Variants in ESYT2 observed in about 807,000 individuals in gnomAD.
The protein encoded by ESYT2 is extended synaptotagmin 2.
A neutral mutation model predicts 107.2 loss-of-function variants in ESYT2; 54 were observed. The ratio of observed to expected loss-of-function variants is 0.50; its 90% CI spans 0.40 to 0.63. ESYT2 has a LOEUF of 0.63. Among genes scored for constraint, ESYT2 ranks in the 30% least tolerant of loss-of-function variants. ESYT2 has a pLI of 0.00. For synonymous variants in ESYT2, 491 were observed against 434.1 expected, an observed-to-expected ratio of 1.13 and a Z score of -1.63; for missense variants, 1,020 against 1,094.5, an observed-to-expected ratio of 0.93 and a Z score of 0.96.
In ESYT2 at chr7:158,731,033, C is replaced by A. The variant is rs896355169; in HGVS notation, c.*3174G>T. The A allele has an allele frequency of 6.6e-6, 1 of 152,310 alleles. No individual in the cohort carries two copies. The highest frequency in any genetic ancestry group is 1.5e-5 in the Non-Finnish European group (1 of 68,022). The allele number at this position is 152,310 out of a possible 1,614,324, so 9.4% of individuals were successfully genotyped here. The stretch of plus-strand genomic sequence containing the variant: ...AAAGGTTTTATTGAATAAATACATG[C>A]ACTGTCACGTGAAATTAGTTGAACA... On this transcript the variant is annotated 3_prime_UTR_variant, in exon 23 of 23. Transcript: ENST00000275418.
rs765550564 is a variant in ESYT2 at position 158,741,714 on chromosome 7, A to G, written c.1977T>C (p.Pro659=). The G allele has an allele frequency of 5.6e-6, 9 of 1,613,876 alleles. No homozygotes were observed. The Admixed American group carries it at 6.7e-5, about 12-fold the overall frequency. The stretch of plus-strand genomic sequence containing the variant: ...GGGGCTGGGCCTTTTCTTCCATACC[A>G]GGCTTATCACTGCCCCCAATGACTG... The part of the protein sequence containing the change: ...STPVIGGSDK[P]GMEEKAQPPE... The change falls in exon 18 of 23, where the codon CCT becomes CCC. Residue 659 remains proline (P), a synonymous_variant. Transcript: ENST00000275418.
intron 1 of ESYT2, among the ~76,000 whole-genome samples, chr7:158,809,269 A>G (rs879552601): frequency 6.6e-6 from 1 of 151,934 alleles, no homozygotes; most frequent in Non-Finnish European, 1.5e-5. Flanking sequence ...CAACGTCAAG[A>G]GATCAAGACC....
intron 6 of ESYT2, among the ~76,000 whole-genome samples, chr7:158,781,511 GAAC>G (rs1445710405): frequency 4.0e-5 from 6 of 151,738 alleles, no homozygotes; most frequent in Non-Finnish European, 7.4e-5. Context: ...GAACGTGTGA[GAAC>G]AAAGTGTGAG....
chr7:158,747,953 A>C (rs1837458662), intron 16 of ESYT2, among the ~76,000 whole-genome samples: 2 of 152,366 alleles, frequency 1.3e-5, no homozygotes, highest in South Asian at 4.1e-4. Context: ...ACTAGAGGAC[A>C]TACCGCATAA....
rs1238288506 is a variant in ESYT2 at position 158,823,447 on chromosome 7, C to G, written c.330+5642G>C. ...TTTCATGCCATTCTCCTGCCTCAGC[C>G]TCCCGAGTAGCTGGGACTACAGGCG... is the stretch of plus-strand genomic sequence containing the variant. On this transcript the variant is annotated intron_variant, in intron 1 of 22. Coordinates refer to ENST00000275418, the MANE Select transcript of ESYT2 (RefSeq NM_001367773.1). 3.3e-5 allele frequency among the ~76,000 whole-genome samples: 5 copies of G among 150,938 alleles called. No homozygotes were observed. In the East Asian group the frequency reaches 9.9e-4, roughly 30 times the overall value.
rs1206081915 is a variant in ESYT2, at chr7:158,739,203, A to G, written c.2169-82T>C. The G allele has an allele frequency of 1.9e-5, 22 of 1,155,506 alleles. No individual in the cohort carries two copies. In the Admixed American group the frequency reaches 2.7e-4, roughly 14 times the overall value. The allele number at this position is 1,155,506 out of a possible 1,614,324, so 71.6% of individuals were successfully genotyped here. ...TCATTGGTCCACTGTACACGATAAA[A>G]TAATTTCTATTCATTTAGACAAAAA... On this transcript the variant is annotated intron_variant, in intron 18 of 22. Transcript: ENST00000275418.
chr7:158,815,149 G>A (rs1840114695), intron 1 of ESYT2, among the ~76,000 whole-genome samples: 1 of 152,194 alleles, frequency 6.6e-6, no homozygotes, highest in Admixed American at 6.5e-5. Flanking sequence ...TTTCTCACGG[G>A]TTTTCTGTTA....
intron 1 of ESYT2, among the ~76,000 whole-genome samples, chr7:158,827,035 C>T (rs566704509): frequency 2.6e-5 from 4 of 151,082 alleles, no homozygotes; most frequent in Non-Finnish European, 4.4e-5. Flanking sequence ...TGATGGTGCA[C>T]GCCTGTAATC....
intron 2 of ESYT2, among the ~76,000 whole-genome samples, chr7:158,798,646 CAAAAAAAAAAAAA>C (rs57351086): frequency 1.0e-4 from 5 of 49,852 alleles, no homozygotes; most frequent in African/African-American, 1.8e-4. Flanking sequence ...AGCTCCGTCT[CAAAAAAAAAAAAA>C]AAAAAAAAAA....
rs1836762632 is a variant in ESYT2 at position 158,731,825 on chromosome 7, C to CG, written c.*2381_*2382insC. 6.6e-6 allele frequency: 1 copy of CG among 152,624 alleles called. No homozygotes were observed. Among genetic ancestry groups the CG allele is most frequent in the South Asian group, 2.1e-4 (1 of 4,834 alleles). 9.5% of individuals were successfully genotyped at this position (152,624 alleles called of 1,614,324 possible). On this transcript the variant is annotated 3_prime_UTR_variant, in exon 23 of 23. Coordinates refer to ENST00000275418, the MANE Select transcript of ESYT2 (RefSeq NM_001367773.1). ...ACTGAAAATTAACGTTTTGACAACT[C>CG]AAGAGTGTCTGACATCGCTGGGATC...
intron 1 of ESYT2, among the ~76,000 whole-genome samples, chr7:158,806,430 TA>T (rs1839835045): frequency 6.6e-6 from 1 of 152,196 alleles, no homozygotes; most frequent in Non-Finnish European, 1.5e-5. Flanking sequence ...TCTATCCATT[TA>T]TTTTTTAAAG....
chr7:158,765,084 C>A (rs1838105563), intron 8 of ESYT2, among the ~76,000 whole-genome samples: 1 of 152,144 alleles, frequency 6.6e-6, no homozygotes, highest in African/African-American at 2.4e-5. Context: ...GTGAGGCTGG[C>A]TCAGAGGAGA....
intron 10 of ESYT2, 35 bp from the exon 11 acceptor site, chr7:158,761,579 A>C (rs1837964753): frequency 6.4e-7 from 1 of 1,568,620 alleles, no homozygotes; most frequent in Admixed American, 1.7e-5. Flanking sequence ...TTTAGAACAT[A>C]GAAACACATT....
At chr7:158,742,038 G>A (rs1837230043) in intron 17 of ESYT2, 142 bp from the exon 18 acceptor site, 1 of 913,418 alleles carries the variant, frequency 1.1e-6, no homozygotes. Flanking sequence ...GGAAAGTTTA[G>A]GTAACCAAAA....
intron 1 of ESYT2, among the ~76,000 whole-genome samples, chr7:158,824,892 C>T (rs2129474409): frequency 1.3e-5 from 2 of 152,352 alleles, no homozygotes; most frequent in Middle Eastern, 3.4e-3. Context: ...TGGCATGCAA[C>T]TGTAATCCCA....
intron 1 of ESYT2, among the ~76,000 whole-genome samples, chr7:158,822,002 C>A (rs1203981253): frequency 6.6e-6 from 1 of 152,102 alleles, no homozygotes; most frequent in African/African-American, 2.4e-5. Context: ...AGCCCGCCTC[C>A]CAGGTGCTTC....
chr7:158,761,581 A>G (rs1376750989), intron 10 of ESYT2, 37 bp from the exon 11 acceptor site: 1 of 1,566,420 alleles, frequency 6.4e-7, no homozygotes, highest in Non-Finnish European at 8.8e-7. Flanking sequence ...TAGAACATAG[A>G]AACACATTTC....
At chr7:158,817,065 G>A (rs1840167032) in intron 1 of ESYT2, among the ~76,000 whole-genome samples, 1 of 152,106 alleles carries the variant, frequency 6.6e-6, no homozygotes, top group Admixed American at 6.6e-5. Context: ...TACAAATTGG[G>A]TACAAAGTAT....
At chr7:158,757,283 C>A (rs1371030058) in intron 13 of ESYT2, among the ~76,000 whole-genome samples, 1 of 152,232 alleles carries the variant, frequency 6.6e-6, no homozygotes, top group East Asian at 1.9e-4. Flanking sequence ...AGTCCACATT[C>A]TGGCAGTTTC....
Sources: allele counts gnomAD v4.1 joint callset (sites outside exome capture counted in the v4.1 genomes callset), GRCh38; gene constraint gnomAD v4.1.1; transcripts MANE v1.5; gene names NCBI Gene and HGNC (gene_info 2026-07-23, HGNC 2026-07-21).